The following ARHGAP19 variants were observed in gnomAD, a reference collection of about 807,000 sequenced individuals.
ARHGAP19 encodes Rho GTPase activating protein 19, also known as rho GTPase-activating protein 19.
A neutral mutation model predicts 60.9 loss-of-function variants in ARHGAP19; 48 were observed. That is an observed-to-expected ratio of 0.79 (90% confidence interval 0.62 to 1.00). The LOEUF (loss-of-function observed/expected upper bound fraction) is 1.00, where lower values mean the gene tolerates loss of function less well. Among genes scored for constraint, ARHGAP19 ranks in the 50% least tolerant of loss-of-function variants. The pLI is 0.00. For missense variants in ARHGAP19, 562 were observed against 597.2 expected, an observed-to-expected ratio of 0.94 and a Z score of 0.61; for synonymous variants, 209 against 215.5, an observed-to-expected ratio of 0.97 and a Z score of 0.27.
chr10:97,286,144 A>G lies in ARHGAP19; in HGVS notation c.56+6428T>C, dbSNP rs146017124. Among the ~76,000 whole-genome samples, 68 of 152,236 alleles carry G rather than the reference A, an allele frequency of 4.5e-4. 3 individuals are homozygous for G. Among genetic ancestry groups the G allele is most frequent in the African/African-American group, 1.6e-3 (66 of 41,558 alleles). ...CCTCATTACCCTTCAGATAGAATTTAACAGCACAAATACAAAACTAGATTC... is the reference window on the plus strand; with the variant it reads ...CCTCATTACCCTTCAGATAGAATTTGACAGCACAAATACAAAACTAGATTC... On this transcript the variant is annotated intron_variant, in intron 1 of 11. Transcript: ENST00000358531.
At position 97,264,839 on chromosome 10, in the gene ARHGAP19, CTCAA is replaced by C; in HGVS notation, c.386_389del (p.Ile129SerfsTer9). The C allele has an allele frequency of 6.2e-7, 1 of 1,609,514 alleles. No homozygotes were observed. The highest frequency in any genetic ancestry group is 8.5e-7 in the Non-Finnish European group (1 of 1,177,114). Reference sequence around the variant, plus strand: ...AAGTAGTCTTACTTTTGTGTAGATACTCAATCAGTTGGTATATCTGGGCAATGCC... The same window carrying C: ...AAGTAGTCTTACTTTTGTGTAGATACTCAGTTGGTATATCTGGGCAATGCC... On this transcript the variant is annotated frameshift_variant, in exon 3 of 12. Coordinates refer to ENST00000358531, the MANE Select transcript of ARHGAP19 (RefSeq NM_032900.6). LOFTEE classifies it high-confidence loss of function.
At chr10:97,283,776 C>T (rs1031453231) in intron 1 of ARHGAP19, among the ~76,000 whole-genome samples, 18 of 137,176 alleles carry the variant, frequency 1.3e-4, no homozygotes, top group Non-Finnish European at 1.8e-4. Flanking sequence ...GGGAGGAGTA[C>T]ATGAGCCCAA....
At chr10:97,289,112 C>T (rs963595889) in intron 1 of ARHGAP19, among the ~76,000 whole-genome samples, 41 of 143,392 alleles carry the variant, frequency 2.9e-4, no homozygotes, top group Admixed American at 2.2e-4. Flanking sequence ...CCACCGTGCC[C>T]GGCTTTTTTT....
At chr10:97,241,961 G>C (rs1376780973) in intron 8 of ARHGAP19, among the ~76,000 whole-genome samples, 2 of 150,586 alleles carry the variant, frequency 1.3e-5, no homozygotes, top group Non-Finnish European at 3.0e-5. Context: ...AGTGAGTGGA[G>C]ATTGCGCCAC....
At chr10:97,288,805 TCTC>T (rs1193535977) in intron 1 of ARHGAP19, among the ~76,000 whole-genome samples, 15 of 143,526 alleles carry the variant, frequency 1.0e-4, no homozygotes, top group South Asian at 2.2e-4. Flanking sequence ...CCCAAACTTC[TCTC>T]CTTTTTTTTT....
intron 1 of ARHGAP19, chr10:97,278,198 T>A (rs1367788924): frequency 1.3e-5 from 2 of 153,350 alleles, no homozygotes; most frequent in African/African-American, 4.8e-5. Context: ...AAGACGCTAT[T>A]CCAGGATCTT....
chr10:97,270,506 G>A, intron 1 of ARHGAP19: 1 of 906,652 alleles, frequency 1.1e-6, no homozygotes, highest in Non-Finnish European at 1.7e-6. Context: ...TAGGACTAAA[G>A]AAAAAACTAC....
chr10:97,288,440 C>T (rs887874762), intron 1 of ARHGAP19, among the ~76,000 whole-genome samples: 6 of 151,910 alleles, frequency 3.9e-5, no homozygotes, highest in East Asian at 2.0e-4. Flanking sequence ...ATTAGTTGAG[C>T]GTGCTGGCAC....
At chr10:97,244,859 G>A (rs1842540072) in intron 7 of ARHGAP19, among the ~76,000 whole-genome samples, 1 of 149,354 alleles carries the variant, frequency 6.7e-6, no homozygotes, top group Non-Finnish European at 1.5e-5. Context: ...CACTCAAAAA[G>A]TGCTTGTAAA....
intron 1 of ARHGAP19, among the ~76,000 whole-genome samples, chr10:97,267,180 T>C (rs1399867014): frequency 1.3e-5 from 2 of 152,040 alleles, no homozygotes; most frequent in African/African-American, 2.4e-5. Context: ...ATGGGAGAAA[T>C]TGGCCAAAAC....
At chr10:97,243,480 C>T (rs1842518497) in intron 8 of ARHGAP19, among the ~76,000 whole-genome samples, 1 of 152,132 alleles carries the variant, frequency 6.6e-6, no homozygotes, top group Non-Finnish European at 1.5e-5. Context: ...GACTAGGGTC[C>T]TGATTTATTG....
chr10:97,239,016 G>C (rs2134826939), intron 8 of ARHGAP19, among the ~76,000 whole-genome samples: 1 of 152,274 alleles, frequency 6.6e-6, no homozygotes, highest in East Asian at 1.9e-4. Context: ...ACTCAGTACA[G>C]TAACATCCTC....
chr10:97,255,191 G>A (rs989272713), intron 6 of ARHGAP19, among the ~76,000 whole-genome samples: 3 of 152,266 alleles, frequency 2.0e-5, no homozygotes, highest in East Asian at 1.9e-4. Context: ...AGAACTGTAC[G>A]CTTAAAAATG....
intron 9 of ARHGAP19, 51 bp downstream of exon 9, chr10:97,235,166 T>C: frequency 6.6e-7 from 1 of 1,510,580 alleles, no homozygotes; most frequent in South Asian, 1.2e-5. Flanking sequence ...AAAATCACAT[T>C]GTTACATTTC....
intron 6 of ARHGAP19, among the ~76,000 whole-genome samples, chr10:97,248,172 T>C (rs1842590237): frequency 6.6e-6 from 1 of 152,104 alleles, no homozygotes; most frequent in Non-Finnish European, 1.5e-5. Flanking sequence ...ACCCCGCCTT[T>C]GGGAGGCCAA....
intron 4 of ARHGAP19, among the ~76,000 whole-genome samples, chr10:97,259,888 T>C (rs1483852988): frequency 2.0e-5 from 3 of 152,020 alleles, no homozygotes; most frequent in African/African-American, 7.2e-5. Flanking sequence ...CAGGCTGGAG[T>C]GCAGTTACAC....
intron 1 of ARHGAP19, among the ~76,000 whole-genome samples, chr10:97,290,712 T>C (rs1184011356): frequency 6.6e-6 from 1 of 152,024 alleles, no homozygotes; most frequent in African/African-American, 2.4e-5. Flanking sequence ...AAACTACAAA[T>C]CATTCTTCAA....
intron 1 of ARHGAP19, among the ~76,000 whole-genome samples, chr10:97,285,553 C>T (rs1202684191): frequency 6.8e-6 from 1 of 146,222 alleles, no homozygotes; most frequent in African/African-American, 2.5e-5. Context: ...AGAGTCTCTC[C>T]CTCTGTTGCC....
chr10:97,241,435 C>T (rs990463332), intron 8 of ARHGAP19, among the ~76,000 whole-genome samples: 2 of 150,372 alleles, frequency 1.3e-5, no homozygotes. Flanking sequence ...GGAAGGATGG[C>T]CAGGTGCGGT....
Sources: allele counts gnomAD v4.1 joint callset (sites outside exome capture counted in the v4.1 genomes callset), GRCh38; gene constraint gnomAD v4.1.1; transcripts MANE v1.5; gene names NCBI Gene and HGNC (gene_info 2026-07-23, HGNC 2026-07-21).